Variants in HYDIN observed in about 807,000 individuals in gnomAD.
HYDIN encodes the protein HYDIN axonemal central pair apparatus protein, also known as axonemal central pair apparatus protein HYDIN.
Under a neutral mutation model 403.9 loss-of-function variants are expected in HYDIN, and 132 were observed. That is an observed-to-expected ratio of 0.33 (90% CI 0.28 to 0.38). The LOEUF (loss-of-function observed/expected upper bound fraction) is 0.38. Ranked by LOEUF, HYDIN falls within the 10% of genes least tolerant of loss-of-function variation. The pLI is 1.00. For synonymous variants in HYDIN, 1,202 were observed against 1,891.7 expected, an observed-to-expected ratio of 0.64 and a Z score of 9.46; for missense variants, 2,827 against 5,009.5, an observed-to-expected ratio of 0.56 and a Z score of 13.15.
intron 9 of HYDIN, among the ~76,000 whole-genome samples, chr16:71,125,935 A>G (rs1439489247): frequency 1.5e-4 from 22 of 150,120 alleles, no homozygotes; most frequent in Non-Finnish European, 1.8e-4. Flanking sequence ...GACCTGCACC[A>G]CCCATCTCAC....
At chr16:71,093,976 C>T (rs1428678251) in intron 10 of HYDIN, 41 bp from the exon 11 acceptor site, 3 of 1,600,258 alleles carry the variant, frequency 1.9e-6, no homozygotes, top group Non-Finnish European at 2.6e-6. Flanking sequence ...AATGGTGCTT[C>T]ATTTACCCCA....
intron 10 of HYDIN, among the ~76,000 whole-genome samples, chr16:71,106,087 G>A (rs1449161650): frequency 1.3e-5 from 2 of 151,916 alleles, no homozygotes; most frequent in Non-Finnish European, 2.9e-5. Context: ...AATGTCCTTA[G>A]GCTGGCATCC....
At chr16:71,042,636 G>A (rs2081322455) in intron 18 of HYDIN, among the ~76,000 whole-genome samples, 1 of 152,132 alleles carries the variant, frequency 6.6e-6, no homozygotes. Context: ...CAACGTTCAG[G>A]TTCCCAGGAA....
intron 5 of HYDIN, among the ~76,000 whole-genome samples, chr16:71,170,960 A>C (rs1363138852): frequency 6.6e-6 from 1 of 152,176 alleles, no homozygotes; most frequent in Non-Finnish European, 1.5e-5. Context: ...TGTTCTTTCT[A>C]CTTTTGCATA....
Position 70,849,944 on chromosome 16 carries a change from C to A in HYDIN, c.12655G>T (p.Glu4219Ter), listed in dbSNP as rs1323333693. 1.6e-6 allele frequency: 1 copy of A among 617,706 alleles called. No homozygotes were observed. Among genetic ancestry groups the A allele is most frequent in the East Asian group, 2.7e-5 (1 of 36,466 alleles). The allele number at this position is 617,706 out of a possible 1,614,324, so 38.3% of individuals were successfully genotyped here. ...QTNIINFYEV[E>*]LNECVQCEFN... ...TCACACTGGACACATTCATTTAACT[C>A]CACCTAGGAGACAGAGAACAGAGCA... Residue 4219 changes from glutamate to a stop codon, truncating the protein, a stop_gained, in exon 75 of 86, where the codon GAG (glutamate) becomes TAG (stop). Coordinates refer to ENST00000393567, the MANE Select transcript of HYDIN (RefSeq NM_001270974.2). LOFTEE classifies it high-confidence loss of function.
intron 1 of HYDIN, among the ~76,000 whole-genome samples, chr16:71,227,023 T>A (rs549359484): frequency 3.9e-5 from 6 of 152,240 alleles, no homozygotes; most frequent in African/African-American, 1.2e-4. Flanking sequence ...GAGATCTAGA[T>A]CAAACCCCTG....
intron 19 of HYDIN, among the ~76,000 whole-genome samples, chr16:71,028,592 T>C (rs1300841867): frequency 6.6e-6 from 1 of 152,076 alleles, no homozygotes; most frequent in Non-Finnish European, 1.5e-5. Context: ...ACAGGCTTAC[T>C]TTAAAATATT....
At chr16:71,174,475 GAT>G (rs1236175025) in intron 5 of HYDIN, among the ~76,000 whole-genome samples, 1 of 152,144 alleles carries the variant, frequency 6.6e-6, no homozygotes, top group Non-Finnish European at 1.5e-5. Flanking sequence ...CTATTAACAT[GAT>G]ACACAGCCTG....
chr16:70,926,868 G>A (rs1444321230), intron 45 of HYDIN, among the ~76,000 whole-genome samples: 1 of 152,102 alleles, frequency 6.6e-6, no homozygotes, highest in Non-Finnish European at 1.5e-5. Flanking sequence ...AAGGAAGTTT[G>A]AATAGCAGGT....
intron 1 of HYDIN, among the ~76,000 whole-genome samples, chr16:71,194,947 G>A (rs577134040): frequency 6.6e-6 from 1 of 152,368 alleles, no homozygotes; most frequent in African/African-American, 2.4e-5. Flanking sequence ...TCCAGGGTAA[G>A]CAAGCCAAGA....
chr16:71,167,842 A>G (rs574247250), intron 5 of HYDIN, among the ~76,000 whole-genome samples: 1 of 152,236 alleles, frequency 6.6e-6, no homozygotes, highest in Non-Finnish European at 1.5e-5. Flanking sequence ...GGCTTAAGCA[A>G]TCACTTCAGT....
chr16:71,137,067 C>T (rs1321287131), intron 8 of HYDIN, 84 bp downstream of exon 8: 8 of 985,644 alleles, frequency 8.1e-6, no homozygotes, highest in African/African-American at 6.5e-5. Flanking sequence ...AAATGTAGTA[C>T]AAAATTCACT....
At chr16:70,884,417 C>T (rs1202641325) in intron 58 of HYDIN, among the ~76,000 whole-genome samples, 7 of 151,002 alleles carry the variant, frequency 4.6e-5, no homozygotes, top group Non-Finnish European at 8.8e-5. Context: ...TCATATAGCA[C>T]TTATTCAGCT....
chr16:70,834,950 G>GTGTGTATATATA (rs1399274838), intron 78 of HYDIN, among the ~76,000 whole-genome samples: 1 of 130,912 alleles, frequency 7.6e-6, no homozygotes, highest in African/African-American at 3.3e-5. Context: ...ACACATATAT[G>GTGTGTATATATA]TATATATATA....
At chr16:71,040,180 T>C (rs2081238541) in intron 18 of HYDIN, among the ~76,000 whole-genome samples, 1 of 152,142 alleles carries the variant, frequency 6.6e-6, no homozygotes, top group Non-Finnish European at 1.5e-5. Flanking sequence ...CTGGTGCCGA[T>C]GCGGTTGGCT....
rs540505185 is a variant in HYDIN at position 71,102,240 on chromosome 16, G to C, written c.1328-8305C>G. 2.3e-3 allele frequency among the ~76,000 whole-genome samples: 350 copies of C among 151,972 alleles called. 4 individuals carry two copies. The highest frequency in any genetic ancestry group is 7.8e-3 in the African/African-American group (325 of 41,480). Reference sequence around the variant, plus strand: ...GAAGGACACAGATATTCTAAAATATGGTAGAGTCCCATTTCTTAACGTGGG... The same window carrying C: ...GAAGGACACAGATATTCTAAAATATCGTAGAGTCCCATTTCTTAACGTGGG... On this transcript the variant is annotated intron_variant, in intron 10 of 85. Transcript: ENST00000393567.
chr16:70,931,951 G>C (rs1324286735), intron 45 of HYDIN, among the ~76,000 whole-genome samples: 1 of 130,938 alleles, frequency 7.6e-6, no homozygotes, highest in Non-Finnish European at 1.6e-5. Flanking sequence ...GGAGGTGGAG[G>C]TTGCGGCCGA....
chr16:71,100,092 A>G (rs926652513), intron 10 of HYDIN, among the ~76,000 whole-genome samples: 20 of 152,278 alleles, frequency 1.3e-4, no homozygotes, highest in African/African-American at 4.3e-4. Context: ...ATATCCAGCA[A>G]CAGTCAGAAA....
chr16:70,964,656 C>G (rs2078518180), intron 37 of HYDIN, 72 bp downstream of exon 37: 1 of 1,259,626 alleles, frequency 7.9e-7, no homozygotes, highest in South Asian at 1.3e-5. Flanking sequence ...ACAGGTTGGT[C>G]CCAGAGCAGG....
Sources: allele counts gnomAD v4.1 joint callset (sites outside exome capture counted in the v4.1 genomes callset), GRCh38; gene constraint gnomAD v4.1.1; transcripts MANE v1.5; gene names NCBI Gene and HGNC (gene_info 2026-07-23, HGNC 2026-07-21).